Variants in SPIDR observed in about 807,000 individuals in gnomAD.
SPIDR encodes the protein scaffold protein involved in DNA repair.
SPIDR carries 93 observed loss-of-function variants against 104.6 expected under a neutral mutation model. The ratio of observed to expected loss-of-function variants is 0.89; its 90% confidence interval spans 0.75 to 1.06. The LOEUF (loss-of-function observed/expected upper bound fraction) is 1.06. Ranked by LOEUF, SPIDR falls within the 50% of genes least tolerant of loss-of-function variation. The pLI, the probability that SPIDR is intolerant of heterozygous loss-of-function variation, is 0.00. For missense variants in SPIDR, 1,154 were observed against 1,111.2 expected (o/e 1.04, Z -0.55); for synonymous variants, 431 against 416.9 (o/e 1.03, Z -0.41).
intron 8 of SPIDR, among the ~76,000 whole-genome samples, chr8:47,524,145 A>G (rs1369623929): frequency 6.6e-6 from 1 of 152,214 alleles, no homozygotes; most frequent in Non-Finnish European, 1.5e-5. Context: ...CATGTATGCT[A>G]AAAAAATTAT....
chr8:47,729,129 G>A (rs781659800), intron 18 of SPIDR, 82 bp downstream of exon 18: 4 of 1,564,572 alleles, frequency 2.6e-6, no homozygotes, highest in African/African-American at 2.7e-5. Flanking sequence ...GCAGGTGCAC[G>A]TCCTCCTGTA....
At chr8:47,587,939 G>A (rs1402465668) in intron 8 of SPIDR, among the ~76,000 whole-genome samples, 1 of 147,608 alleles carries the variant, frequency 6.8e-6, no homozygotes, top group Non-Finnish European at 1.5e-5. Flanking sequence ...TTAAATTAGG[G>A]AAAGTGATCT....
At chr8:47,413,413 C>T (rs1214330040) in intron 7 of SPIDR, among the ~76,000 whole-genome samples, 5 of 152,184 alleles carry the variant, frequency 3.3e-5, no homozygotes, top group Non-Finnish European at 5.9e-5. Context: ...GTTCCCAGTG[C>T]CATGCTCTTT....
chr8:47,335,660 A>G (rs2049558082), intron 5 of SPIDR, among the ~76,000 whole-genome samples: 2 of 152,202 alleles, frequency 1.3e-5, no homozygotes. Flanking sequence ...CATGGTGGCC[A>G]GGCTGGTCTT....
At position 47,647,570 on chromosome 8, in the gene SPIDR, C is replaced by T. The variant is rs1045780088; in HGVS notation, c.1545-26231C>T. 4.1e-5 allele frequency among the ~76,000 whole-genome samples: 6 copies of T among 146,114 alleles called. No individual in the cohort carries two copies. In the East Asian group the frequency reaches 1.3e-3, roughly 31 times the overall value. On this transcript the variant is annotated intron_variant, in intron 10 of 19. Transcript: ENST00000297423. ...GCGGAGGTTGCAGGAGCCGAGATTG[C>T]GCCACTGCACTCTAGCCTGGGTGAC...
rs375447574 is a variant in SPIDR, at chr8:47,408,518, T to A, written c.877+557T>A. On this transcript the variant is annotated intron_variant, in intron 7 of 19. Coordinates refer to ENST00000297423, the MANE Select transcript of SPIDR (RefSeq NM_001080394.4). ...TCTAGGACTGGTTTAGCTTATATAA[T>A]CAAAACGTTGTACCCTTTGACAAAT... Among the ~76,000 whole-genome samples, 39 of 152,322 alleles carry A rather than the reference T, an allele frequency of 2.6e-4. 1 individual carries two copies. The highest frequency in any genetic ancestry group is 9.1e-4 in the African/African-American group (38 of 41,582).
chr8:47,501,062 G>A (rs1029029903), intron 8 of SPIDR, among the ~76,000 whole-genome samples: 4 of 152,188 alleles, frequency 2.6e-5, no homozygotes, highest in Admixed American at 2.0e-4. Flanking sequence ...AGTATAGTTT[G>A]AAGTCAGGTA....
chr8:47,280,572 T>C (rs2154220513), intron 2 of SPIDR, among the ~76,000 whole-genome samples: 2 of 152,250 alleles, frequency 1.3e-5, no homozygotes, highest in African/African-American at 4.8e-5. Context: ...TTTGTATTTT[T>C]TGTAGAGACT....
In SPIDR at chr8:47,700,343, T is replaced by G. The variant is rs542427779; in HGVS notation, c.1686-60T>G. ...TCTGTTAAGCATTCTACCAGCTCACTGGCCAAGTACTCAGTAAGGGATGTC... is the reference window on the plus strand; with the variant it reads ...TCTGTTAAGCATTCTACCAGCTCACGGGCCAAGTACTCAGTAAGGGATGTC... On this transcript the variant is annotated intron_variant, in intron 11 of 19. Transcript: ENST00000297423. 8.7e-4 allele frequency: 1,353 copies of G among 1,557,468 alleles called. 3 individuals are homozygous for G. The highest frequency in any genetic ancestry group is 1.7e-3 in the Admixed American group (102 of 59,948).
chr8:47,329,350 C>T (rs1587068943), intron 5 of SPIDR, among the ~76,000 whole-genome samples: 1 of 152,106 alleles, frequency 6.6e-6, no homozygotes, highest in South Asian at 2.1e-4. Flanking sequence ...GGATTACAGG[C>T]GTGAGCCACC....
intron 10 of SPIDR, among the ~76,000 whole-genome samples, chr8:47,653,453 A>C (rs1055777971): frequency 3.3e-5 from 5 of 152,182 alleles, no homozygotes; most frequent in African/African-American, 1.2e-4. Context: ...CTGATGGCAC[A>C]TTTTGAGCAG....
intron 7 of SPIDR, among the ~76,000 whole-genome samples, chr8:47,422,372 A>G (rs1321293526): frequency 6.6e-6 from 1 of 152,140 alleles, no homozygotes; most frequent in East Asian, 1.9e-4. Context: ...TGTGCTAGCA[A>G]TGAGCGAGGC....
At chr8:47,489,501 T>A (rs1007063220) in intron 8 of SPIDR, among the ~76,000 whole-genome samples, 10 of 152,048 alleles carry the variant, frequency 6.6e-5, no homozygotes, top group South Asian at 4.1e-4. Flanking sequence ...GGAAAAAAAT[T>A]CTTTAAAGTT....
intron 10 of SPIDR, among the ~76,000 whole-genome samples, chr8:47,610,974 A>G (rs143902412): frequency 1.2e-3 from 188 of 152,332 alleles, no homozygotes; most frequent in South Asian, 7.0e-3. Context: ...TTAACCATAA[A>G]TAAGTCCTCA....
chr8:47,482,429 G>C (rs1022020609), intron 8 of SPIDR, among the ~76,000 whole-genome samples: 1 of 151,610 alleles, frequency 6.6e-6, no homozygotes, highest in Non-Finnish European at 1.5e-5. Context: ...GCGAGGCCCT[G>C]TCTCAAAAAA....
chr8:47,483,227 C>A (rs1554728535), intron 8 of SPIDR, among the ~76,000 whole-genome samples: 4 of 151,820 alleles, frequency 2.6e-5, no homozygotes, highest in Non-Finnish European at 5.9e-5. Flanking sequence ...TTCTTTTATT[C>A]TTTTATCTTG....
At chr8:47,732,357 G>A (rs1376613367) in intron 19 of SPIDR, among the ~76,000 whole-genome samples, 1 of 152,256 alleles carries the variant, frequency 6.6e-6, no homozygotes, top group African/African-American at 2.4e-5. Flanking sequence ...GTGTGCATGT[G>A]TATGTGTCCA....
intron 11 of SPIDR, among the ~76,000 whole-genome samples, chr8:47,688,131 T>G (rs2078084966): frequency 6.6e-6 from 1 of 152,048 alleles, no homozygotes; most frequent in Non-Finnish European, 1.5e-5. Flanking sequence ...TTATTTTATT[T>G]TATTTATTTA....
chr8:47,419,232 T>C (rs1429969894), intron 7 of SPIDR: 1 of 152,358 alleles, frequency 6.6e-6, no homozygotes, highest in South Asian at 2.1e-4. Flanking sequence ...AATTCGGCTG[T>C]GAATCCATCT....
Sources: allele counts gnomAD v4.1 joint callset (sites outside exome capture counted in the v4.1 genomes callset), GRCh38; gene constraint gnomAD v4.1.1; transcripts MANE v1.5; gene names NCBI Gene and HGNC (gene_info 2026-07-23, HGNC 2026-07-21).